The following C10orf90 variants were observed in gnomAD, a reference collection of about 807,000 sequenced individuals.
C10orf90 encodes chromosome 10 open reading frame 90.
C10orf90 carries 56 observed loss-of-function variants against 62.5 expected under a neutral mutation model. The observed-to-expected ratio is 0.90, with a 90% CI of 0.72 to 1.12. C10orf90 has a LOEUF of 1.12. Ranked by LOEUF, C10orf90 falls within the 50% of genes most tolerant of loss-of-function variation. The pLI is 0.00. For synonymous variants in C10orf90, 386 were observed against 340.4 expected (o/e 1.13, Z -1.47); for missense variants, 970 against 880.4 (o/e 1.10, Z -1.29).
chr10:126,520,164 C>CT (rs1404629175), intron 2 of C10orf90: 1 of 152,442 alleles, frequency 6.6e-6, no homozygotes, highest in Non-Finnish European at 1.5e-5. Flanking sequence ...TGGTTTGCTC[C>CT]TGAGACAAAG....
intron 2 of C10orf90, among the ~76,000 whole-genome samples, chr10:126,546,655 T>A (rs1486468141): frequency 6.6e-6 from 1 of 152,126 alleles, no homozygotes; most frequent in Non-Finnish European, 1.5e-5. Context: ...GCAATGAGGA[T>A]TTCCCCCCTC....
chr10:126,644,338 A>G (rs1846122793), intron 2 of C10orf90, among the ~76,000 whole-genome samples: 1 of 152,218 alleles, frequency 6.6e-6, no homozygotes, highest in Admixed American at 6.5e-5. Flanking sequence ...TTACCGTTTT[A>G]AACAAGTGCC....
chr10:126,500,117 T>C (rs945311132), intron 4 of C10orf90, among the ~76,000 whole-genome samples: 1 of 152,232 alleles, frequency 6.6e-6, no homozygotes, highest in African/African-American at 2.4e-5. Flanking sequence ...TTACATTTTT[T>C]CATAAATTAA....
chr10:126,572,959 C>G (rs1378949369), intron 2 of C10orf90, among the ~76,000 whole-genome samples: 1 of 152,166 alleles, frequency 6.6e-6, no homozygotes, highest in Non-Finnish European at 1.5e-5. Context: ...TCAACTCTGT[C>G]TATGGAGTAG....
At chr10:126,521,363 T>C in intron 2 of C10orf90, 1 of 1,613,408 alleles carries the variant, frequency 6.2e-7, no homozygotes, top group Non-Finnish European at 8.5e-7. Flanking sequence ...GTTTCAAAGG[T>C]CTTTTAATGA....
chr10:126,540,684 A>G (rs1000593467), intron 2 of C10orf90, among the ~76,000 whole-genome samples: 1 of 133,374 alleles, frequency 7.5e-6, no homozygotes, highest in African/African-American at 2.8e-5. Context: ...AAAAAAAAAA[A>G]GAACCAAGAT....
intron 2 of C10orf90, among the ~76,000 whole-genome samples, chr10:126,525,356 C>T (rs548661911): frequency 1.8e-4 from 28 of 152,284 alleles, no homozygotes; most frequent in African/African-American, 6.7e-4. Flanking sequence ...AAACAAGACA[C>T]AAAAATATTT....
chr10:126,478,942 C>G (rs1861036374), intron 4 of C10orf90, among the ~76,000 whole-genome samples: 1 of 152,168 alleles, frequency 6.6e-6, no homozygotes, highest in South Asian at 2.1e-4. Context: ...CTCTGCCCCT[C>G]TGTGCCCTTC....
At chr10:126,660,205 G>T (rs908358867) in intron 1 of C10orf90, among the ~76,000 whole-genome samples, 1 of 152,154 alleles carries the variant, frequency 6.6e-6, no homozygotes, top group Non-Finnish European at 1.5e-5. Context: ...TGAATATGAC[G>T]GGCTATCATA....
chr10:126,548,385 A>G (rs561914722), intron 2 of C10orf90, among the ~76,000 whole-genome samples: 6 of 151,860 alleles, frequency 4.0e-5, no homozygotes, highest in African/African-American at 1.4e-4. Context: ...TTTTTTTTTT[A>G]GACAAAGTCT....
At chr10:126,623,139 G>A (rs1031706881) in intron 2 of C10orf90, among the ~76,000 whole-genome samples, 1 of 152,100 alleles carries the variant, frequency 6.6e-6, no homozygotes, top group African/African-American at 2.4e-5. Context: ...GACTTCAGAG[G>A]AGTGTTTTAA....
At chr10:126,660,398 T>C (rs1024360412) in intron 1 of C10orf90, among the ~76,000 whole-genome samples, 3 of 152,210 alleles carry the variant, frequency 2.0e-5, no homozygotes, top group Admixed American at 6.5e-5. Context: ...CTTCTGGCCT[T>C]GAAGAAGCAA....
At chr10:126,630,391 G>A (rs1845828874) in intron 2 of C10orf90, among the ~76,000 whole-genome samples, 1 of 152,172 alleles carries the variant, frequency 6.6e-6, no homozygotes, top group Non-Finnish European at 1.5e-5. Flanking sequence ...GGAGGAGGGA[G>A]AGGTGACCAT....
chr10:126,565,493 C>T (rs1197312702), intron 2 of C10orf90, among the ~76,000 whole-genome samples: 11 of 133,902 alleles, frequency 8.2e-5, no homozygotes, highest in Non-Finnish European at 1.4e-4. Context: ...CTGTCACCCT[C>T]CCTAAAAACA....
intron 2 of C10orf90, among the ~76,000 whole-genome samples, chr10:126,563,246 C>T (rs528595220): frequency 6.6e-6 from 1 of 152,322 alleles, no homozygotes; most frequent in South Asian, 2.1e-4. Flanking sequence ...AGAGGGGCCA[C>T]TCGTCCACCG....
At chr10:126,432,562 C>A (rs1218076874) in intron 7 of C10orf90, among the ~76,000 whole-genome samples, 1 of 152,098 alleles carries the variant, frequency 6.6e-6, no homozygotes, top group Non-Finnish European at 1.5e-5. Context: ...GCAAGAAGTC[C>A]CCGCAGGGGA....
intron 7 of C10orf90, among the ~76,000 whole-genome samples, chr10:126,451,986 A>G (rs1859232097): frequency 6.6e-6 from 1 of 152,190 alleles, no homozygotes; most frequent in Non-Finnish European, 1.5e-5. Flanking sequence ...CTGAATGAGT[A>G]AATTCTGGAT....
intron 1 of C10orf90, among the ~76,000 whole-genome samples, chr10:126,662,093 TA>T (rs10695373): frequency 6.7e-6 from 1 of 148,820 alleles, no homozygotes; most frequent in African/African-American, 2.5e-5. Flanking sequence ...GTAGTCTTGT[TA>T]AAAAAAAAAA....
intron 4 of C10orf90, among the ~76,000 whole-genome samples, chr10:126,494,261 T>G (rs924150952): frequency 3.9e-5 from 6 of 152,176 alleles, no homozygotes; most frequent in Admixed American, 3.3e-4. Context: ...TAAAACTGCA[T>G]AAATTTCCCT....
Sources: allele counts gnomAD v4.1 joint callset (sites outside exome capture counted in the v4.1 genomes callset), GRCh38; gene constraint gnomAD v4.1.1; transcripts MANE v1.5; gene names NCBI Gene and HGNC (gene_info 2026-07-23, HGNC 2026-07-21).